Variants in SIN3B observed in about 807,000 individuals in gnomAD.
SIN3B encodes SIN3 transcription regulator family member B, also known as paired amphipathic helix protein Sin3b.
A neutral mutation model predicts 120.2 loss-of-function variants in SIN3B; 19 were observed. That is an observed-to-expected ratio of 0.16 (90% CI 0.11 to 0.23). The LOEUF (loss-of-function observed/expected upper bound fraction) is 0.23, where lower values mean the gene tolerates loss of function less well. SIN3B is among the 10% of genes least tolerant of loss of function. The pLI, the probability that SIN3B is intolerant of heterozygous loss-of-function variation, is 1.00. For synonymous variants in SIN3B, 654 were observed against 653.2 expected (o/e 1.00, Z -0.02); for missense variants, 1,073 against 1,573.0 (o/e 0.68, Z 5.38).
chr19:16,878,478 C>T lies in SIN3B; in HGVS notation c.3163-19C>T. 1 of 1,562,304 alleles carries T rather than the reference C, an allele frequency of 6.4e-7. No homozygotes were observed. The highest frequency in any genetic ancestry group is 2.4e-5 in the East Asian group (1 of 42,024). On this transcript the variant is annotated intron_variant, in intron 18 of 18. Transcript: ENST00000248054. ...GGGGTCCAGCCCTCAGCTGCCCTGA[C>T]ACCCGGCCTCTTCAACAGGTGCAGC...
chr19:16,848,690 A>G (rs1599596531), intron 5 of SIN3B, among the ~76,000 whole-genome samples: 1 of 152,148 alleles, frequency 6.6e-6, no homozygotes, highest in South Asian at 2.1e-4. Context: ...TTGTAGAGAC[A>G]GGGCTTCGCC....
In SIN3B at chr19:16,878,909, T is replaced by C; in HGVS notation, c.*182T>C. On this transcript the variant is annotated 3_prime_UTR_variant, in exon 19 of 19. Transcript: ENST00000248054. ...CTCCCGGTCTCCTGTGGGCCTGCTG[T>C]GTGCCAAACCTGAGCTACCTGCACC... 1 of 626,010 alleles carries C rather than the reference T, an allele frequency of 1.6e-6. No individual in the cohort carries two copies. The highest frequency in any genetic ancestry group is 2.7e-6 in the Non-Finnish European group (1 of 364,894). 38.8% of individuals were successfully genotyped at this position (626,010 alleles called of 1,614,324 possible).
intron 17 of SIN3B, 23 bp downstream of exon 17, chr19:16,877,662 C>T: frequency 3.9e-6 from 6 of 1,527,398 alleles, no homozygotes; most frequent in Admixed American, 1.8e-5. Context: ...GAGATGCATG[C>T]TCTGTTCCTT....
intron 2 of SIN3B, 134 bp from the exon 3 acceptor site, chr19:16,831,360 G>T: frequency 1.1e-6 from 1 of 900,754 alleles, no homozygotes; most frequent in Middle Eastern, 2.6e-4. Context: ...ACTGCGCCTG[G>T]TGGGTCACAT....
intron 14 of SIN3B, among the ~76,000 whole-genome samples, chr19:16,874,259 GGCAGGGTTT>G (rs2051551627): frequency 6.6e-6 from 1 of 152,218 alleles, no homozygotes; most frequent in South Asian, 2.1e-4. Flanking sequence ...CTCACACCCG[GGCAGGGTTT>G]GCTGGTCTGG....
chr19:16,835,193 T>G (rs974459784), intron 3 of SIN3B, among the ~76,000 whole-genome samples: 6 of 151,224 alleles, frequency 4.0e-5, no homozygotes, highest in African/African-American at 1.5e-4. Context: ...CCCAAAGTAC[T>G]GGGATTACAG....
intron 14 of SIN3B, among the ~76,000 whole-genome samples, chr19:16,873,544 A>T (rs1372482568): frequency 1.0e-5 from 1 of 97,644 alleles, no homozygotes; most frequent in African/African-American, 3.9e-5. Context: ...CAGGCTGGGC[A>T]CCCCTCATGG....
At chr19:16,871,191 T>C in intron 13 of SIN3B, 38 bp from the exon 14 acceptor site, 1 of 1,613,620 alleles carries the variant, frequency 6.2e-7, no homozygotes, top group Non-Finnish European at 8.5e-7. Context: ...CTTTGCGCTC[T>C]CCAGGAGGCA....
intron 14 of SIN3B, among the ~76,000 whole-genome samples, chr19:16,875,580 G>GTTTGGT (rs753207208): frequency 6.3e-5 from 9 of 143,372 alleles, no homozygotes; most frequent in Non-Finnish European, 4.5e-5. Context: ...GTCTGGTCTG[G>GTTTGGT]TTTGGTTTTG....
intron 5 of SIN3B, among the ~76,000 whole-genome samples, chr19:16,848,808 A>G (rs746855357): frequency 6.6e-6 from 1 of 151,590 alleles, no homozygotes; most frequent in Non-Finnish European, 1.5e-5. Flanking sequence ...GCCTACTTTT[A>G]TTTTTTAATT....
Position 16,852,104 on chromosome 19 carries a change from C to T in SIN3B, c.849+570C>T, listed in dbSNP as rs148841733. ...TCCATACTGTTCCAGATTGGGCCAG[C>T]GGGGTCCCTTTGGCTCTTGTGTCCT... On this transcript the variant is annotated intron_variant, in intron 6 of 18. Coordinates refer to ENST00000248054, the MANE Select transcript of SIN3B (RefSeq NM_001297595.2). Among the ~76,000 whole-genome samples, 280 of 152,298 alleles carry T rather than the reference C, an allele frequency of 1.8e-3. 1 individual carries two copies. Among genetic ancestry groups the T allele is most frequent in the Middle Eastern group, 0.014 (4 of 294 alleles).
intron 10 of SIN3B, 131 bp from the exon 11 acceptor site, chr19:16,865,279 G>C: frequency 1.5e-6 from 1 of 648,254 alleles, no homozygotes; most frequent in Non-Finnish European, 2.7e-6. Context: ...GGGTGACAGA[G>C]CAAGACCCTA....
At chr19:16,837,214 G>A (rs1458901910) in intron 3 of SIN3B, among the ~76,000 whole-genome samples, 2 of 152,062 alleles carry the variant, frequency 1.3e-5, no homozygotes, top group African/African-American at 4.8e-5. Flanking sequence ...CTGAAGGAGA[G>A]AAGGGGGAGA....
At chr19:16,837,991 A>T (rs534839493) in intron 3 of SIN3B, among the ~76,000 whole-genome samples, 1 of 151,978 alleles carries the variant, frequency 6.6e-6, no homozygotes, top group Non-Finnish European at 1.5e-5. Flanking sequence ...GATGGTTGTC[A>T]TGGTGTGGGA....
intron 4 of SIN3B, among the ~76,000 whole-genome samples, chr19:16,845,182 C>A (rs911933078): frequency 5.3e-5 from 8 of 152,182 alleles, no homozygotes; most frequent in Non-Finnish European, 1.0e-4. Flanking sequence ...AAACTACTTC[C>A]CTAAGTTGAG....
intron 2 of SIN3B, among the ~76,000 whole-genome samples, chr19:16,830,778 A>G (rs898131192): frequency 6.6e-6 from 1 of 152,188 alleles, no homozygotes; most frequent in Non-Finnish European, 1.5e-5. Flanking sequence ...ATGCATTGCA[A>G]TTGTTTGCTC....
In SIN3B at chr19:16,831,524, C is replaced by T. The variant is rs1408855294; in HGVS notation, c.258C>T (p.Val86=). 2 of 1,614,048 alleles carry T rather than the reference C, an allele frequency of 1.2e-6. No homozygotes were observed. Among genetic ancestry groups the T allele is most frequent in the Non-Finnish European group, 1.7e-6 (2 of 1,180,012 alleles). Residue 86 remains valine, a synonymous_variant, in exon 3 of 19, where the codon GTC becomes GTT. Transcript: ENST00000248054. ...SIDTPGVIRR[V]SQLFHEHPDL... ...ATACTCCTGGAGTCATCAGACGTGT[C>T]TCGCAGCTCTTCCACGAGCACCCTG... is the stretch of plus-strand genomic sequence containing the variant.
chr19:16,849,390 A>T (rs1971516999), intron 5 of SIN3B, among the ~76,000 whole-genome samples: 1 of 152,246 alleles, frequency 6.6e-6, no homozygotes, highest in African/African-American at 2.4e-5. Flanking sequence ...GCTGTGTGCC[A>T]ATAACACTTT....
At position 16,829,817 on chromosome 19, in the gene SIN3B, C is replaced by T. The variant is rs1432379635; in HGVS notation, c.147C>T (p.Asp49=). 3.7e-6 allele frequency: 6 copies of T among 1,613,380 alleles called. No homozygotes were observed. Among genetic ancestry groups the T allele is most frequent in the African/African-American group, 1.3e-5 (1 of 74,916 alleles). ...VHVEDALTYL[D]QVKIRFGSDP... is the part of the protein sequence containing the mutation. ...TAGAAGACGCCCTCACCTATCTGGACCAGGTGAAGATCCGCTTTGGCAGCG... is the reference window on the plus strand; with the variant it reads ...TAGAAGACGCCCTCACCTATCTGGATCAGGTGAAGATCCGCTTTGGCAGCG... Residue 49 remains aspartate (D), a synonymous_variant, in exon 2 of 19, where the codon GAC becomes GAT. Coordinates refer to ENST00000248054, the MANE Select transcript of SIN3B (RefSeq NM_001297595.2).
Sources: allele counts gnomAD v4.1 joint callset (sites outside exome capture counted in the v4.1 genomes callset), GRCh38; gene constraint gnomAD v4.1.1; transcripts MANE v1.5; gene names NCBI Gene and HGNC (gene_info 2026-07-23, HGNC 2026-07-21).